Variants in CDH13 observed in about 807,000 individuals in gnomAD.
CDH13 encodes the protein cadherin 13, also known as cadherin-13.
Under a neutral mutation model 63.8 loss-of-function variants are expected in CDH13, and 24 were observed. The observed-to-expected ratio is 0.38, with a 90% CI of 0.27 to 0.53. CDH13 has a LOEUF of 0.53. Ranked by LOEUF, CDH13 falls within the 20% of genes least tolerant of loss-of-function variation. The pLI, the probability that CDH13 is intolerant of heterozygous loss-of-function variation, is 0.85. For synonymous variants in CDH13, 503 were observed against 355.3 expected (o/e 1.42, Z -4.67); for missense variants, 1,049 against 903.1 (o/e 1.16, Z -2.07).
At chr16:82,729,545 A>G (rs1189112528) in intron 1 of CDH13, among the ~76,000 whole-genome samples, 1 of 152,112 alleles carries the variant, frequency 6.6e-6, no homozygotes. Context: ...TATTCAGTAA[A>G]GCATGCTGTA....
At chr16:82,796,015 C>T (rs545634750) in intron 1 of CDH13, among the ~76,000 whole-genome samples, 2 of 150,642 alleles carry the variant, frequency 1.3e-5, no homozygotes, top group Non-Finnish European at 2.9e-5. Flanking sequence ...TGCTTTTGGG[C>T]CTGGGATACA....
intron 2 of CDH13, among the ~76,000 whole-genome samples, chr16:83,009,287 G>C (rs1459352540): frequency 6.6e-6 from 1 of 152,192 alleles, no homozygotes; most frequent in Non-Finnish European, 1.5e-5. Context: ...CAGAAAACCA[G>C]TGCTCTTGAT....
At chr16:82,677,184 C>T (rs1914025511) in intron 1 of CDH13, among the ~76,000 whole-genome samples, 1 of 152,182 alleles carries the variant, frequency 6.6e-6, no homozygotes, top group Non-Finnish European at 1.5e-5. Context: ...GCCTGGCCTA[C>T]ACAGTTTTTA....
chr16:83,674,700 C>T (rs1014529144), intron 9 of CDH13, among the ~76,000 whole-genome samples: 1 of 152,222 alleles, frequency 6.6e-6, no homozygotes, highest in Non-Finnish European at 1.5e-5. Context: ...CAGCAAGGTC[C>T]TGCCACTTAA....
chr16:82,652,628 A>AGCTGCT (rs35661989), intron 1 of CDH13, among the ~76,000 whole-genome samples: 264 of 149,408 alleles, frequency 1.8e-3, no homozygotes, highest in African/African-American at 2.8e-3. Context: ...AGATATTGGA[A>AGCTGCT]GCTGCTGCTG....
intron 7 of CDH13, among the ~76,000 whole-genome samples, chr16:83,511,769 A>G (rs1462497193): frequency 1.3e-5 from 2 of 152,216 alleles, no homozygotes; most frequent in Admixed American, 6.5e-5. Context: ...CAAAGGTAGG[A>G]TCCTTAGAAT....
At chr16:83,206,760 A>G (rs2039195318) in intron 4 of CDH13, among the ~76,000 whole-genome samples, 1 of 152,216 alleles carries the variant, frequency 6.6e-6, no homozygotes, top group Admixed American at 6.5e-5. Flanking sequence ...TTTCAAAATT[A>G]TATACTGGAG....
At chr16:82,727,049 C>G (rs1359068163) in intron 1 of CDH13, among the ~76,000 whole-genome samples, 2 of 152,136 alleles carry the variant, frequency 1.3e-5, no homozygotes, top group Admixed American at 6.5e-5. Flanking sequence ...CAGAAATTGC[C>G]TGTGCCTATT....
chr16:83,199,150 G>A (rs1383506146), intron 4 of CDH13, among the ~76,000 whole-genome samples: 1 of 152,214 alleles, frequency 6.6e-6, no homozygotes, highest in African/African-American at 2.4e-5. Flanking sequence ...CATTTCCATT[G>A]TGTGGCACAC....
At chr16:83,051,773 C>A (rs1597227898) in intron 3 of CDH13, among the ~76,000 whole-genome samples, 1 of 152,216 alleles carries the variant, frequency 6.6e-6, no homozygotes, top group Middle Eastern at 3.4e-3. Flanking sequence ...TATTATCCAT[C>A]ACATTATTTG....
chr16:83,217,634 T>A, intron 5 of CDH13, 137 bp downstream of exon 5: 4 of 845,038 alleles, frequency 4.7e-6, no homozygotes, highest in Non-Finnish European at 7.2e-6. Context: ...CTGTGGGAGC[T>A]GAAGTGGATG....
chr16:83,083,175 G>T (rs1343742993), intron 3 of CDH13, among the ~76,000 whole-genome samples: 1 of 152,106 alleles, frequency 6.6e-6, no homozygotes, highest in Admixed American at 6.5e-5. Context: ...ACCAATCATG[G>T]GTTGGTATAG....
chr16:83,317,857 G>T (rs959053798), intron 5 of CDH13, among the ~76,000 whole-genome samples: 2 of 151,860 alleles, frequency 1.3e-5, no homozygotes, highest in African/African-American at 4.8e-5. Flanking sequence ...CTCCCAAGTG[G>T]GGAAACTGAG....
intron 6 of CDH13, among the ~76,000 whole-genome samples, chr16:83,376,468 A>C (rs1485408249): frequency 2.0e-5 from 3 of 152,220 alleles, no homozygotes; most frequent in Non-Finnish European, 2.9e-5. Flanking sequence ...AAATAAATAG[A>C]TAGCTAGTAT....
In CDH13 at chr16:83,187,745, C is replaced by T. The variant is rs182774148; in HGVS notation, c.484-29600C>T. Among the ~76,000 whole-genome samples the T allele has an allele frequency of 5.2e-3, 790 of 152,238 alleles. 9 individuals are homozygous for T. Among genetic ancestry groups the T allele is most frequent in the African/African-American group, 0.018 (757 of 41,540 alleles). On this transcript the variant is annotated intron_variant, in intron 4 of 13. Transcript: ENST00000567109. Reference sequence around the variant, plus strand: ...AACAGACCAAGCCCTGTCCTACAGTCCACCTGCTAGTAAGGGAACCTGACA... The same window carrying T: ...AACAGACCAAGCCCTGTCCTACAGTTCACCTGCTAGTAAGGGAACCTGACA...
At chr16:83,389,842 A>G (rs140090209) in intron 6 of CDH13, among the ~76,000 whole-genome samples, 1 of 152,246 alleles carries the variant, frequency 6.6e-6, no homozygotes, top group Non-Finnish European at 1.5e-5. Context: ...GCAGCAGAAG[A>G]GTTGGCCCTT....
intron 2 of CDH13, among the ~76,000 whole-genome samples, chr16:82,891,802 A>C (rs2041090542): frequency 6.6e-6 from 1 of 152,186 alleles, no homozygotes; most frequent in Non-Finnish European, 1.5e-5. Context: ...ATGATTTTGA[A>C]ATACCAGGCC....
chr16:83,175,850 C>T (rs1321100048), intron 4 of CDH13, among the ~76,000 whole-genome samples: 11 of 87,218 alleles, frequency 1.3e-4, no homozygotes, highest in Admixed American at 5.1e-4. Flanking sequence ...TTTTTTGAGA[C>T]GGAGTTTCAC....
chr16:82,738,258 C>T (rs572197684), intron 1 of CDH13, among the ~76,000 whole-genome samples: 9 of 152,176 alleles, frequency 5.9e-5, no homozygotes, highest in South Asian at 2.1e-4. Context: ...TAAAAATAAA[C>T]GTAACTGCAT....
Sources: allele counts gnomAD v4.1 joint callset (sites outside exome capture counted in the v4.1 genomes callset), GRCh38; gene constraint gnomAD v4.1.1; transcripts MANE v1.5; gene names NCBI Gene and HGNC (gene_info 2026-07-23, HGNC 2026-07-21).